The following AGAP3 variants were observed in gnomAD, a reference collection of about 807,000 sequenced individuals.
AGAP3 encodes the protein arf-GAP with GTPase, ANK repeat and PH domain-containing protein 3.
AGAP3 carries 24 observed loss-of-function variants against 96.9 expected under a neutral mutation model. That is an observed-to-expected ratio of 0.25 (90% CI 0.18 to 0.35). The LOEUF is 0.35. AGAP3 is among the 10% of genes least tolerant of loss of function. The probability of loss-of-function intolerance (pLI) is 1.00; values close to 1 mark genes in which losing one functional copy is unlikely to be tolerated. For missense variants in AGAP3, 876 were observed against 1,254.2 expected, an observed-to-expected ratio of 0.70 and a Z score of 4.55; for synonymous variants, 563 against 536.1, an observed-to-expected ratio of 1.05 and a Z score of -0.69.
At chr7:151,088,947 C>G (rs1259156499) in intron 1 of AGAP3, among the ~76,000 whole-genome samples, 5 of 152,150 alleles carry the variant, frequency 3.3e-5, no homozygotes, top group African/African-American at 1.2e-4. Flanking sequence ...GCCTCACCCT[C>G]GTGAAATCCC....
In AGAP3 at chr7:151,134,497, C is replaced by T. The variant is rs1322668223; in HGVS notation, c.1424C>T (p.Ala475Val). ...KRLPRATPAT[A>V]PGTSPRANGL... is the part of the protein sequence containing the mutation. ...CTGCCCCGAGCCACACCTGCCACAG[C>T]CCCGGGCACCAGCCCCCGTGCCAAC... The change falls in exon 11 of 18, where the codon GCC becomes GTC. Residue 475 changes from alanine (A) to valine (V), a missense_variant. Physicochemically the swap from Ala to Val is moderately conservative, Grantham distance 64. Transcript: ENST00000397238. The T allele has an allele frequency of 6.2e-7, 1 of 1,613,344 alleles. No individual in the cohort carries two copies. Among genetic ancestry groups the T allele is most frequent in the Non-Finnish European group, 8.5e-7 (1 of 1,180,004 alleles).
Position 151,141,719 on chromosome 7 carries a change from A to T in AGAP3, c.1805-179A>T. ...AACTGGGAGCTCACACTAGTCTTGC[A>T]GGTTTACTCTGGCCTCCCCCTGCAA... On this transcript the variant is annotated intron_variant, in intron 13 of 17. Transcript: ENST00000397238. The surrounding 1 kb of genome is among the most constrained non-coding windows in gnomAD (Gnocchi z 4.2). 1.5e-6 allele frequency: 1 copy of T among 674,700 alleles called. No homozygotes were observed. The highest frequency in any genetic ancestry group is 2.5e-6 in the Non-Finnish European group (1 of 392,656). 41.8% of individuals were successfully genotyped at this position (674,700 alleles called of 1,614,324 possible).
chr7:151,115,898 C>T (rs1414123125), intron 1 of AGAP3, among the ~76,000 whole-genome samples: 1 of 152,152 alleles, frequency 6.6e-6, no homozygotes, highest in African/African-American at 2.4e-5. Context: ...CTAGGCCAGA[C>T]ACCTTTCCTA....
chr7:151,127,713 G>C (rs1350012086), intron 9 of AGAP3, among the ~76,000 whole-genome samples: 1 of 152,192 alleles, frequency 6.6e-6, no homozygotes, highest in African/African-American at 2.4e-5. Context: ...GCCAGTGAGA[G>C]CATCTTTAGA....
intron 8 of AGAP3, among the ~76,000 whole-genome samples, chr7:151,121,812 C>A (rs1799909162): frequency 6.6e-6 from 1 of 152,224 alleles, no homozygotes; most frequent in Non-Finnish European, 1.5e-5. Context: ...GCGTCCGTCT[C>A]TGTGGGTGTA....
At position 151,133,649 on chromosome 7, in the gene AGAP3, A is replaced by G. The variant is rs1800482846; in HGVS notation, c.1327-751A>G. On this transcript the variant is annotated intron_variant, in intron 10 of 17. Transcript: ENST00000397238. This position sits in a 1 kb window ranked among gnomAD's most constrained non-coding sequence, Gnocchi z 5.4. ...CATTTAATCGTGTGTTCCTGGGCAG[A>G]TAAGCCTTTCTAAGCCTCAGTTGCT... 6.6e-6 allele frequency among the ~76,000 whole-genome samples: 1 copy of G among 152,206 alleles called. No individual in the cohort carries two copies. Among genetic ancestry groups the G allele is most frequent in the Admixed American group, 6.5e-5 (1 of 15,278 alleles).
At chr7:151,138,026 C>T (rs1424900817) in intron 11 of AGAP3, 117 bp from the exon 12 acceptor site, 1 of 837,318 alleles carries the variant, frequency 1.2e-6, no homozygotes, top group Admixed American at 2.5e-5. Flanking sequence ...ACCTGATGAA[C>T]CCAGTGCCCT....
At chr7:151,120,369 C>T (rs747785442) in intron 8 of AGAP3, among the ~76,000 whole-genome samples, 3 of 152,186 alleles carry the variant, frequency 2.0e-5, no homozygotes, top group Non-Finnish European at 2.9e-5. Context: ...CGGCCCTTAC[C>T]CTGTCCCCAC....
chr7:151,107,126 A>G (rs1204080691), intron 1 of AGAP3, among the ~76,000 whole-genome samples: 1 of 151,934 alleles, frequency 6.6e-6, no homozygotes, highest in Non-Finnish European at 1.5e-5. Flanking sequence ...CCTGGCCAAC[A>G]TGGTGAAACC....
rs1360515759 is a variant in AGAP3 at position 151,140,905 on chromosome 7, G to C, written c.1804+789G>C. 1 of 152,238 alleles carries C rather than the reference G, an allele frequency of 6.6e-6. No individual in the cohort carries two copies. The highest frequency in any genetic ancestry group is 6.6e-5 in the Admixed American group (1 of 15,258). The allele number at this position is 152,238 out of a possible 1,614,324, so 9.4% of individuals were successfully genotyped here. ...AGGCGCAGTGGTGGTGCCTGGGGAAGGAGGCGCCGGTTCTATTTCTGTGGG... is the reference window on the plus strand; with the variant it reads ...AGGCGCAGTGGTGGTGCCTGGGGAACGAGGCGCCGGTTCTATTTCTGTGGG... On this transcript the variant is annotated intron_variant, in intron 13 of 17. Transcript: ENST00000397238. This position sits in a 1 kb window ranked among gnomAD's most constrained non-coding sequence, Gnocchi z 5.4.
intron 10 of AGAP3, chr7:151,131,227 C>G (rs1466610463): frequency 6.6e-6 from 1 of 152,284 alleles, no homozygotes; most frequent in Non-Finnish European, 1.5e-5. Context: ...GCAGCCTCCC[C>G]CATTTTGCAG....
At chr7:151,120,726 G>A in intron 8 of AGAP3, 1 of 1,212,620 alleles carries the variant, frequency 8.2e-7, no homozygotes, top group Admixed American at 2.9e-5. Context: ...TCACCACGCT[G>A]CCTCGTTCCT....
At chr7:151,098,344 G>C (rs1029109316) in intron 1 of AGAP3, among the ~76,000 whole-genome samples, 4 of 152,048 alleles carry the variant, frequency 2.6e-5, no homozygotes, top group Admixed American at 6.6e-5. Context: ...GGGCGACAGA[G>C]GGAGACCCTG....
rs768044326 is a variant in AGAP3 at position 151,123,811 on chromosome 7, C to T, written c.1146C>T (p.Asp382=). 32 of 1,613,054 alleles carry T rather than the reference C, an allele frequency of 2.0e-5. No homozygotes were observed. The highest frequency in any genetic ancestry group is 2.5e-5 in the Non-Finnish European group (30 of 1,179,980). ...TCTTCCAGTCTCGGAAGGGTGCTGA[C>T]CTGGACCGGGAGAAGAAGGCTGCCG... is the stretch of plus-strand genomic sequence containing the variant. ...SNIFTSRKGA[D]LDREKKAAEC... Residue 382 remains aspartate (D), a synonymous_variant, in exon 9 of 18, where the codon GAC becomes GAT. Transcript: ENST00000397238.
intron 10 of AGAP3, among the ~76,000 whole-genome samples, chr7:151,132,544 G>A (rs1800441007): frequency 6.6e-6 from 1 of 152,204 alleles, no homozygotes; most frequent in African/African-American, 2.4e-5. Context: ...TCTTCCTGAA[G>A]GGCTGTCTGC....
At position 151,134,669 on chromosome 7, in the gene AGAP3, G is replaced by A; in HGVS notation, c.1495+101G>A. The A allele has an allele frequency of 3.2e-6, 4 of 1,241,608 alleles. No homozygotes were observed. In the South Asian group the frequency reaches 4.2e-5, roughly 13 times the overall value. The allele number at this position is 1,241,608 out of a possible 1,614,324, so 76.9% of individuals were successfully genotyped here. On this transcript the variant is annotated intron_variant, in intron 11 of 17. Coordinates refer to ENST00000397238, the MANE Select transcript of AGAP3 (RefSeq NM_031946.7). ...CTGCTTCTCAGCCTGGGCACAGGGTGCTGGCCAGCATCACACTTCAAGGTC... is the reference window on the plus strand; with the variant it reads ...CTGCTTCTCAGCCTGGGCACAGGGTACTGGCCAGCATCACACTTCAAGGTC...
chr7:151,091,226 G>T (rs926707079), intron 1 of AGAP3, among the ~76,000 whole-genome samples: 3 of 152,204 alleles, frequency 2.0e-5, no homozygotes, highest in African/African-American at 7.2e-5. Flanking sequence ...ATGAGGACTG[G>T]GGGGGTCTGG....
intron 1 of AGAP3, among the ~76,000 whole-genome samples, chr7:151,087,833 A>G (rs962465470): frequency 1.2e-4 from 18 of 152,128 alleles, no homozygotes; most frequent in African/African-American, 3.9e-4. Context: ...TGGACTTTCG[A>G]CCGCTGAGGG....
At chr7:151,111,029 CCCCGCCCCCCGTCTTCTCCTCTGATT>C (rs911301666) in intron 1 of AGAP3, among the ~76,000 whole-genome samples, 1 of 152,128 alleles carries the variant, frequency 6.6e-6, no homozygotes, top group Non-Finnish European at 1.5e-5. Context: ...AGCGCTCTCC[CCCCGCCCCCCGTCTTCTCCTCTGATT>C]CCCTAAGCTC....
Sources: gnomAD v4.1 joint callset for allele counts (sites outside exome capture counted in the v4.1 genomes callset) on GRCh38, gnomAD v4.1.1 for gene constraint, Gnocchi (gnomAD v3.1) non-coding constraint, MANE v1.5 for transcripts, NCBI Gene and HGNC (gene_info 2026-07-23, HGNC 2026-07-21) for gene names.